MTUS2: variants seen among roughly 807,000 people sequenced by gnomAD.
MTUS2 encodes microtubule-associated tumor suppressor candidate 2.
A neutral mutation model predicts 114.1 loss-of-function variants in MTUS2; 40 were observed. The observed-to-expected ratio is 0.35, with a 90% CI of 0.27 to 0.46. The LOEUF is 0.46. Ranked by LOEUF, MTUS2 falls within the 20% of genes least tolerant of loss-of-function variation. The probability of loss-of-function intolerance (pLI) is 1.00; values close to 1 mark genes in which losing one functional copy is unlikely to be tolerated. For synonymous variants in MTUS2, 688 were observed against 672.0 expected, an observed-to-expected ratio of 1.02 and a Z score of -0.37; for missense variants, 1,679 against 1,705.4, an observed-to-expected ratio of 0.98 and a Z score of 0.27.
intron 7 of MTUS2, among the ~76,000 whole-genome samples, chr13:29,325,556 GAGGAAGAAGA>G (rs1566132135): frequency 1.7e-5 from 1 of 59,736 alleles, no homozygotes; most frequent in African/African-American, 3.9e-5. Flanking sequence ...GAAGGAAGAA[GAGGAAGAAGA>G]AGAAGAGGAG....
chr13:29,291,102 A>G (rs1341840823), intron 6 of MTUS2, among the ~76,000 whole-genome samples: 4 of 152,124 alleles, frequency 2.6e-5, no homozygotes, highest in South Asian at 4.1e-4. Flanking sequence ...CGAGAACCCA[A>G]CTGTTCCAAG....
At chr13:29,255,533 A>G (rs1248256930) in intron 5 of MTUS2, among the ~76,000 whole-genome samples, 2 of 152,238 alleles carry the variant, frequency 1.3e-5, no homozygotes, top group Admixed American at 6.5e-5. Flanking sequence ...ACTAAGTAAC[A>G]CTGTAAGAAA....
At chr13:28,966,865 A>G (rs1455525284) in intron 2 of MTUS2, among the ~76,000 whole-genome samples, 1 of 152,222 alleles carries the variant, frequency 6.6e-6, no homozygotes, top group Admixed American at 6.5e-5. Flanking sequence ...GGAAGTTTAC[A>G]ATTGTACAGT....
intron 8 of MTUS2, among the ~76,000 whole-genome samples, chr13:29,406,978 G>A (rs1293421040): frequency 2.6e-5 from 4 of 152,190 alleles, no homozygotes; most frequent in African/African-American, 9.6e-5. Context: ...GGGCACAGTG[G>A]CTCACGCCTG....
chr13:29,324,594 C>A lies in MTUS2; in HGVS notation c.2807-19C>A. The A allele has an allele frequency of 6.5e-7, 1 of 1,544,128 alleles. No individual in the cohort carries two copies. The highest frequency in any genetic ancestry group is 8.8e-7 in the Non-Finnish European group (1 of 1,136,208). On this transcript the variant is annotated intron_variant, in intron 6 of 15. Coordinates refer to ENST00000612955, the MANE Select transcript of MTUS2 (RefSeq NM_001033602.4). The stretch of plus-strand genomic sequence containing the variant: ...AGTAGCTTACTTTCTACCTATTTCT[C>A]TTTTCCAACTATACACAGGAACAAA...
intron 8 of MTUS2, among the ~76,000 whole-genome samples, chr13:29,438,214 T>C (rs1877558832): frequency 6.6e-6 from 1 of 152,106 alleles, no homozygotes; most frequent in Non-Finnish European, 1.5e-5. Flanking sequence ...AGTAGGATTA[T>C]GCAATAAAAT....
intron 2 of MTUS2, among the ~76,000 whole-genome samples, chr13:28,919,044 G>T (rs1471747764): frequency 1.3e-5 from 2 of 151,950 alleles, no homozygotes; most frequent in Non-Finnish European, 2.9e-5. Flanking sequence ...TAAAGTTTTT[G>T]TAGTTATTAT....
At chr13:29,057,849 T>G (rs890076890) in intron 4 of MTUS2, among the ~76,000 whole-genome samples, 1 of 152,112 alleles carries the variant, frequency 6.6e-6, no homozygotes, top group Non-Finnish European at 1.5e-5. Context: ...GTGGTGTTAG[T>G]TGATTATTAT....
intron 2 of MTUS2, among the ~76,000 whole-genome samples, chr13:28,974,522 G>A (rs1884000657): frequency 6.6e-6 from 1 of 152,182 alleles, no homozygotes; most frequent in African/African-American, 2.4e-5. Context: ...CCTCCTGGGT[G>A]TGTAAATGAG....
rs148076813 is a variant in MTUS2, at chr13:28,989,852, G to T, written c.-242-34605G>T. On this transcript the variant is annotated intron_variant, in intron 2 of 15. Coordinates refer to ENST00000612955, the MANE Select transcript of MTUS2 (RefSeq NM_001033602.4). The stretch of plus-strand genomic sequence containing the variant: ...TTGGGCCTTTTTTTTGTTTTGTTTT[G>T]TTTTTTTTTTTTTTTGCAGAATTGC... 2.0e-3 allele frequency among the ~76,000 whole-genome samples: 286 copies of T among 143,666 alleles called. 1 individual carries two copies. Among genetic ancestry groups the T allele is most frequent in the Middle Eastern group, 7.2e-3 (2 of 276 alleles). 94.3% of individuals were successfully genotyped at this position (143,666 alleles called of 152,430 possible). A position where few individuals can be genotyped will look rare whatever the true frequency, so the allele number is the denominator to read the frequency against.
At chr13:28,892,758 G>A (rs1006265607) in intron 2 of MTUS2, among the ~76,000 whole-genome samples, 13 of 152,102 alleles carry the variant, frequency 8.5e-5, no homozygotes, top group African/African-American at 2.7e-4. Flanking sequence ...CCAGCATGTG[G>A]GGGACCTTGG....
intron 1 of MTUS2, among the ~76,000 whole-genome samples, chr13:28,825,634 A>G (rs1388558744): frequency 2.0e-5 from 3 of 152,320 alleles, no homozygotes; most frequent in Middle Eastern, 3.4e-3. Context: ...GAGAAGGTGA[A>G]GAAACCATTG....
chr13:29,281,537 C>A (rs2139540884), intron 5 of MTUS2, among the ~76,000 whole-genome samples, 167 bp from the exon 6 acceptor site: 1 of 152,020 alleles, frequency 6.6e-6, no homozygotes, highest in African/African-American at 2.4e-5. Flanking sequence ...AAAGGGAGTT[C>A]TTTTCCACAT....
At chr13:28,858,881 G>C (rs1876798320) in intron 2 of MTUS2, among the ~76,000 whole-genome samples, 1 of 152,162 alleles carries the variant, frequency 6.6e-6, no homozygotes, top group African/African-American at 2.4e-5. Context: ...GGGACACCTA[G>C]AGTTGAGGCC....
At chr13:29,104,678 T>G (rs1375816526) in intron 5 of MTUS2, among the ~76,000 whole-genome samples, 1 of 152,178 alleles carries the variant, frequency 6.6e-6, no homozygotes, top group South Asian at 2.1e-4. Context: ...CCTAGGCAGC[T>G]CCCTTCATTC....
chr13:29,083,094 G>A (rs1889518927), intron 4 of MTUS2, among the ~76,000 whole-genome samples: 1 of 152,148 alleles, frequency 6.6e-6, no homozygotes, highest in Admixed American at 6.5e-5. Context: ...ACTATTTTTG[G>A]TGCTGATACA....
At chr13:28,994,597 A>C (rs1342347465) in intron 2 of MTUS2, among the ~76,000 whole-genome samples, 1 of 152,078 alleles carries the variant, frequency 6.6e-6, no homozygotes, top group East Asian at 1.9e-4. Context: ...GCTATTCTAA[A>C]TGGTGTGAGA....
intron 2 of MTUS2, among the ~76,000 whole-genome samples, chr13:29,003,579 A>T (rs2138392095): frequency 6.6e-6 from 1 of 152,338 alleles, no homozygotes; most frequent in East Asian, 1.9e-4. Context: ...AATTCGACAT[A>T]TCTAGTACTG....
At position 29,180,487 on chromosome 13, in the gene MTUS2, T is replaced by C. The variant is rs1893952254; in HGVS notation, c.2644+79517T>C. Among the ~76,000 whole-genome samples, 5 of 152,194 alleles carry C rather than the reference T, an allele frequency of 3.3e-5. 1 individual carries two copies. The South Asian group carries it at 1.0e-3, about 31-fold the overall frequency. On this transcript the variant is annotated intron_variant, in intron 5 of 15. Transcript: ENST00000612955. ...ATAGGCAAATCTTAAGATGTTAAGGTCACTCAATTTGGAAAAGTACATGAA... is the reference window on the plus strand; with the variant it reads ...ATAGGCAAATCTTAAGATGTTAAGGCCACTCAATTTGGAAAAGTACATGAA...
Sources: gnomAD v4.1 joint callset for allele counts (sites outside exome capture counted in the v4.1 genomes callset) on GRCh38, gnomAD v4.1.1 for gene constraint, MANE v1.5 for transcripts, NCBI Gene and HGNC (gene_info 2026-07-23, HGNC 2026-07-21) for gene names.